MARCHF1: variants seen among roughly 807,000 people sequenced by gnomAD.
MARCHF1 encodes membrane associated ring-CH-type finger 1.
In MARCHF1, 40 loss-of-function variants were observed where a neutral mutation model predicts 54.2. The ratio of observed to expected loss-of-function variants is 0.74; its 90% CI spans 0.57 to 0.96. The LOEUF is 0.96. Ranked by LOEUF, MARCHF1 falls within the 40% of genes least tolerant of loss-of-function variation. The pLI, the probability that MARCHF1 is intolerant of heterozygous loss-of-function variation, is 0.00. For missense variants in MARCHF1, 586 were observed against 656.5 expected (o/e 0.89, Z 1.17); for synonymous variants, 236 against 236.3 (o/e 1.00, Z 0.01).
intron 2 of MARCHF1, among the ~76,000 whole-genome samples, chr4:164,010,316 C>G (rs13104587): frequency 0.12 from 18,092 of 150,542 alleles, 1,302 homozygotes; most frequent in Middle Eastern, 0.21. Flanking sequence ...CCAGGATGGT[C>G]TCAATCTCTT....
At chr4:163,892,623 A>T (rs925123066) in intron 3 of MARCHF1, among the ~76,000 whole-genome samples, 18 of 150,978 alleles carry the variant, frequency 1.2e-4, no homozygotes, top group South Asian at 2.1e-4. Context: ...ATAAAAAAAT[A>T]AAAAAAATTA....
chr4:164,217,852 T>A (rs1731976269), intron 1 of MARCHF1, among the ~76,000 whole-genome samples: 2 of 152,068 alleles, frequency 1.3e-5, no homozygotes, highest in Admixed American at 1.3e-4. Flanking sequence ...GGCTGGGGAA[T>A]TGCCCTCGCC....
At chr4:163,611,313 G>A (rs1415631034) in intron 7 of MARCHF1, among the ~76,000 whole-genome samples, 1 of 151,994 alleles carries the variant, frequency 6.6e-6, no homozygotes, top group Non-Finnish European at 1.5e-5. Context: ...TTCACATGTA[G>A]AGTTTAATTC....
At chr4:164,337,807 C>T (rs1313684110) in intron 1 of MARCHF1, among the ~76,000 whole-genome samples, 2 of 152,212 alleles carry the variant, frequency 1.3e-5, no homozygotes, top group Non-Finnish European at 1.5e-5. Flanking sequence ...CAAACTCAAG[C>T]ATGCCAATGC....
At chr4:164,154,600 C>T (rs574239998) in intron 1 of MARCHF1, among the ~76,000 whole-genome samples, 22 of 152,300 alleles carry the variant, frequency 1.4e-4, no homozygotes, top group Admixed American at 5.2e-4. Flanking sequence ...ACGGGAAGCA[C>T]GCAGATGGGC....
intron 1 of MARCHF1, among the ~76,000 whole-genome samples, chr4:164,357,741 G>T (rs1038594352): frequency 1.3e-5 from 2 of 151,984 alleles, no homozygotes; most frequent in Non-Finnish European, 2.9e-5. Flanking sequence ...TTTTACAATG[G>T]GTACTGAAGT....
At chr4:163,636,119 C>T (rs1393051010) in intron 5 of MARCHF1, among the ~76,000 whole-genome samples, 1 of 152,134 alleles carries the variant, frequency 6.6e-6, no homozygotes, top group African/African-American at 2.4e-5. Context: ...CTATCTATGA[C>T]AAACCCACAG....
intron 4 of MARCHF1, among the ~76,000 whole-genome samples, chr4:163,784,338 A>G (rs1336465469): frequency 1.3e-5 from 2 of 152,162 alleles, no homozygotes; most frequent in Non-Finnish European, 2.9e-5. Flanking sequence ...GGGCCAGGGC[A>G]TTATGTAGTC....
At chr4:163,681,612 G>T (rs1015473662) in intron 5 of MARCHF1, among the ~76,000 whole-genome samples, 6 of 152,092 alleles carry the variant, frequency 3.9e-5, no homozygotes, top group African/African-American at 1.4e-4. Context: ...GTTTTATAAG[G>T]GGCTTTTCCC....
chr4:163,883,967 C>G (rs539700477), intron 3 of MARCHF1, among the ~76,000 whole-genome samples: 1 of 152,232 alleles, frequency 6.6e-6, no homozygotes, highest in East Asian at 1.9e-4. Flanking sequence ...ATCACATGCA[C>G]TGTGATTACT....
At chr4:163,962,681 C>T (rs925428803) in intron 3 of MARCHF1, among the ~76,000 whole-genome samples, 19 of 151,738 alleles carry the variant, frequency 1.3e-4, no homozygotes, top group Non-Finnish European at 2.7e-4. Flanking sequence ...AATTTTAAAA[C>T]TTTAGATACC....
At chr4:163,943,022 C>A (rs757109342) in intron 3 of MARCHF1, among the ~76,000 whole-genome samples, 25 of 150,518 alleles carry the variant, frequency 1.7e-4, no homozygotes, top group Non-Finnish European at 3.0e-4. Flanking sequence ...CTATTCATAT[C>A]TTTGCCCACT....
intron 1 of MARCHF1, among the ~76,000 whole-genome samples, chr4:164,133,474 A>G (rs1756341890): frequency 6.6e-6 from 1 of 152,206 alleles, no homozygotes; most frequent in Non-Finnish European, 1.5e-5. Flanking sequence ...TATTGAATTC[A>G]AAACCATTAT....
chr4:163,545,837 A>T, intron 8 of MARCHF1, 94 bp from the exon 9 acceptor site: 1 of 1,064,680 alleles, frequency 9.4e-7, no homozygotes, highest in Non-Finnish European at 1.4e-6. Context: ...AATGGAAGAA[A>T]AACAGTAAAT....
intron 2 of MARCHF1, among the ~76,000 whole-genome samples, chr4:164,100,484 A>G (rs375086034): frequency 2.6e-5 from 4 of 152,360 alleles, no homozygotes; most frequent in South Asian, 4.1e-4. Context: ...ACTTCTGGTG[A>G]TAAGTAGAAT....
chr4:163,637,284 G>T (rs932823348), intron 5 of MARCHF1, among the ~76,000 whole-genome samples: 3 of 152,064 alleles, frequency 2.0e-5, no homozygotes, highest in Non-Finnish European at 2.9e-5. Context: ...CACAGCAAAA[G>T]AAACTACCAT....
intron 3 of MARCHF1, among the ~76,000 whole-genome samples, chr4:163,952,194 A>T (rs906021209): frequency 3.3e-5 from 5 of 152,198 alleles, no homozygotes; most frequent in African/African-American, 9.6e-5. Flanking sequence ...TCAAAGTCGA[A>T]CACTGTTGAG....
Position 164,122,760 on chromosome 4 carries a change from A to T in MARCHF1, c.-322-11098T>A, listed in dbSNP as rs140499604. 2.4e-3 allele frequency among the ~76,000 whole-genome samples: 359 copies of T among 152,088 alleles called. 2 individuals are homozygous for T. The highest frequency in any genetic ancestry group is 8.6e-3 in the African/African-American group (357 of 41,506). On this transcript the variant is annotated intron_variant, in intron 1 of 9. Transcript: ENST00000514618. ...GTGTCCTAAATTTTCCTGGCTCAAG[A>T]TGATGAACCCCAGGCCATATACCCC...
At chr4:164,337,291 AC>A (rs1327543978) in intron 1 of MARCHF1, among the ~76,000 whole-genome samples, 1 of 152,206 alleles carries the variant, frequency 6.6e-6, no homozygotes, top group African/African-American at 2.4e-5. Flanking sequence ...CTGTTGGATC[AC>A]AAAAATCTGA....
Sources: allele counts gnomAD v4.1 joint callset (sites outside exome capture counted in the v4.1 genomes callset), GRCh38; gene constraint gnomAD v4.1.1; transcripts MANE v1.5; gene names NCBI Gene and HGNC (gene_info 2026-07-23, HGNC 2026-07-21).